ZNF541: variants seen among roughly 807,000 people sequenced by gnomAD.
ZNF541 encodes the protein zinc finger protein 541.
In ZNF541, 23 loss-of-function variants were observed where a neutral mutation model predicts 123.5. The ratio of observed to expected loss-of-function variants is 0.19; its 90% confidence interval spans 0.13 to 0.26. The LOEUF is 0.26. ZNF541 is among the 10% of genes least tolerant of loss of function. The pLI is 1.00. For synonymous variants in ZNF541, 751 were observed against 754.5 expected, an observed-to-expected ratio of 1.00 and a Z score of 0.08; for missense variants, 1,612 against 1,789.9, an observed-to-expected ratio of 0.90 and a Z score of 1.79.
intron 2 of ZNF541, among the ~76,000 whole-genome samples, chr19:47,558,802 T>G (rs915880013): frequency 2.0e-5 from 3 of 151,068 alleles, no homozygotes; most frequent in Admixed American, 2.0e-4. Context: ...TAGAGTGCAG[T>G]GGCGCCATCT....
intron 1 of ZNF541, among the ~76,000 whole-genome samples, 128 bp downstream of exon 1, chr19:47,572,955 C>A (rs1234339805): frequency 1.3e-5 from 2 of 150,764 alleles, no homozygotes; most frequent in Non-Finnish European, 3.0e-5. Flanking sequence ...AGATGGGGCC[C>A]CCTAAAAAAA....
chr19:47,541,711 C>T (rs575834492), intron 5 of ZNF541, among the ~76,000 whole-genome samples: 1 of 152,330 alleles, frequency 6.6e-6, no homozygotes, highest in Admixed American at 6.5e-5. Context: ...TGAGATACTG[C>T]TTCACACCCG....
At chr19:47,529,678 CCCAGGA>C in intron 12 of ZNF541, 26 bp from the exon 13 acceptor site, 1 of 1,549,444 alleles carries the variant, frequency 6.5e-7, no homozygotes, top group East Asian at 2.4e-5. Flanking sequence ...CGACAGGCTG[CCCAGGA>C]CCAGGTGGGG....
chr19:47,556,544 A>G (rs1353548537), intron 2 of ZNF541, among the ~76,000 whole-genome samples: 3 of 151,958 alleles, frequency 2.0e-5, no homozygotes, highest in Non-Finnish European at 4.4e-5. Flanking sequence ...TCCTGGGCTC[A>G]AGCGATCCTC....
intron 3 of ZNF541, 65 bp downstream of exon 3, chr19:47,555,485 C>T: frequency 6.9e-7 from 1 of 1,452,100 alleles, no homozygotes; most frequent in Non-Finnish European, 9.1e-7. Context: ...CAGAATCAGT[C>T]CCTAGCTGGC....
intron 12 of ZNF541, among the ~76,000 whole-genome samples, chr19:47,529,874 T>TC (rs1969483480): frequency 6.6e-6 from 1 of 152,210 alleles, no homozygotes; most frequent in African/African-American, 2.4e-5. Flanking sequence ...AGTTATTTTT[T>TC]CACAGCAAGC....
intron 5 of ZNF541, among the ~76,000 whole-genome samples, chr19:47,542,868 C>G (rs920626606): frequency 1.3e-5 from 2 of 152,060 alleles, no homozygotes; most frequent in African/African-American, 4.8e-5. Flanking sequence ...TGCTTGAACC[C>G]AGGAGGCGGA....
In ZNF541 at chr19:47,538,351, C is replaced by T; in HGVS notation, c.2885G>A (p.Gly962Glu). 1 of 1,543,426 alleles carries T rather than the reference C, an allele frequency of 6.5e-7. No individual in the cohort carries two copies. Residue 962 changes from glycine to glutamate, a missense_variant, in exon 9 of 17, where the codon GGG (glycine) becomes GAG (glutamate). Gly to Glu is a moderately conservative substitution (Grantham distance 98). Coordinates refer to ENST00000391901, the MANE Select transcript of ZNF541 (RefSeq NM_001277075.3). ...RKKRPPPSTA[G>E]EPGPAGCHQS... ...GTGGCATCCTGCAGGGCCAGGCTCCCCAGCCGTGGAGGGTGGGGGCCGCTT... is the reference window on the plus strand; with the variant it reads ...GTGGCATCCTGCAGGGCCAGGCTCCTCAGCCGTGGAGGGTGGGGGCCGCTT...
At chr19:47,532,049 C>A in intron 11 of ZNF541, 79 bp downstream of exon 11, 1 of 1,522,000 alleles carries the variant, frequency 6.6e-7, no homozygotes, top group Admixed American at 2.0e-5. Context: ...TCAGGAGTTC[C>A]AGACCTAGGA....
chr19:47,562,370 G>A (rs909011820), intron 2 of ZNF541, among the ~76,000 whole-genome samples: 4 of 151,638 alleles, frequency 2.6e-5, no homozygotes, highest in Non-Finnish European at 4.4e-5. Flanking sequence ...ATGGTGAAAC[G>A]CCATCTCTAC....
At position 47,538,258 on chromosome 19, in the gene ZNF541, G is replaced by C. The variant is rs570301192; in HGVS notation, c.2978C>G (p.Pro993Arg). The C allele has an allele frequency of 3.2e-4, 490 of 1,551,536 alleles. 2 individuals carry two copies. The South Asian group carries it at 5.4e-3, about 17-fold the overall frequency. ...CLLKGLFQCS[P>R]YTPPPMLSPI... The stretch of plus-strand genomic sequence containing the variant: ...GCTGAGCATTGGGGGTGGTGTGTAG[G>C]GGGAGCACTGGAATAAGCCCTTCAG... The change falls in exon 9 of 17, where the codon CCC (proline) becomes CGC (arginine). Residue 993 changes from proline to arginine, a missense_variant. Physicochemically the swap from Pro to Arg is moderately radical, Grantham distance 103. Around this residue, in one of 5 missense-constraint regions of ZNF541, gnomAD observed 285 missense variants for 407.3 expected, o/e 0.70. Transcript: ENST00000391901.
At chr19:47,530,643 CTTTTCT>C in intron 12 of ZNF541, among the ~76,000 whole-genome samples, 1 of 151,978 alleles carries the variant, frequency 6.6e-6, no homozygotes, top group East Asian at 1.9e-4. Flanking sequence ...TTAAGAATTT[CTTTTCT>C]TTTTTTTTCT....
chr19:47,528,755 G>A (rs1444325522), intron 14 of ZNF541, among the ~76,000 whole-genome samples, 195 bp downstream of exon 14: 1 of 152,170 alleles, frequency 6.6e-6, no homozygotes, highest in African/African-American at 2.4e-5. Flanking sequence ...AGACTGTTCT[G>A]TGCAGGTGAT....
intron 2 of ZNF541, among the ~76,000 whole-genome samples, chr19:47,566,149 C>T (rs1352168236): frequency 6.6e-6 from 1 of 151,850 alleles, no homozygotes; most frequent in Non-Finnish European, 1.5e-5. Context: ...TGCACTCCAG[C>T]CTGGGTGACA....
At position 47,540,924 on chromosome 19, in the gene ZNF541, G is replaced by C. The variant is rs1970054803; in HGVS notation, c.2431C>G (p.Pro811Ala). ...QGGNIYRLPHPVKEENVAGRG... is the reference protein window; with the variant it reads ...QGGNIYRLPHAVKEENVAGRG... Reference sequence around the variant, plus strand: ...CCTGCCACATTCTCTTCCTTCACCGGATGGGGGAGCCTGTAGATGTTTCCA... The same window carrying C: ...CCTGCCACATTCTCTTCCTTCACCGCATGGGGGAGCCTGTAGATGTTTCCA... Residue 811 changes from proline (P) to alanine (A), a missense_variant, in exon 6 of 17, where the codon CCG becomes GCG. Pro to Ala is a conservative substitution (Grantham distance 27). Around this residue, in one of 5 missense-constraint regions of ZNF541, gnomAD observed 1,080 missense variants for 1,013.8 expected, o/e 1.07. Transcript: ENST00000391901. 1.9e-6 allele frequency: 3 copies of C among 1,551,050 alleles called. No homozygotes were observed. The highest frequency in any genetic ancestry group is 2.6e-6 in the Non-Finnish European group (3 of 1,146,828).
In ZNF541 at chr19:47,544,483, G is replaced by A. The variant is rs1297203273; in HGVS notation, c.2046C>T (p.Ser682=). The A allele has an allele frequency of 1.6e-5, 25 of 1,551,600 alleles. No individual in the cohort carries two copies. The highest frequency in any genetic ancestry group is 2.7e-5 in the African/African-American group (2 of 73,064). Residue 682 remains serine, a synonymous_variant, in exon 5 of 17, where the codon TCC becomes TCT. Transcript: ENST00000391901. ...CCTCCAGGTCCAAGGTCCCTTTAGA[G>A]GATCGCAGCTGCTTGGCCAGAGAAG... is the stretch of plus-strand genomic sequence containing the variant. ...DISSLAKQLR[S]SKGTLDLEDI...
At chr19:47,528,315 CA>C (rs1241374840) in intron 14 of ZNF541, among the ~76,000 whole-genome samples, 1,794 of 43,426 alleles carry the variant, frequency 0.041, 35 homozygotes, top group African/African-American at 0.13. Context: ...AACTCCGTCT[CA>C]AAAAAAAAAA....
intron 1 of ZNF541, among the ~76,000 whole-genome samples, chr19:47,572,809 G>C (rs1204220996): frequency 6.6e-6 from 1 of 151,876 alleles, no homozygotes; most frequent in African/African-American, 2.4e-5. Flanking sequence ...CGGGCCAGGG[G>C]ATCCTGAGGA....
Position 47,521,036 on chromosome 19 carries a change from C to A in ZNF541, c.*188G>T. On this transcript the variant is annotated 3_prime_UTR_variant, in exon 17 of 17. Coordinates refer to ENST00000391901, the MANE Select transcript of ZNF541 (RefSeq NM_001277075.3). The surrounding 1 kb of genome is among the most constrained non-coding windows in gnomAD (Gnocchi z 4.2). ...CTCCAGCACCACCGGACAGGGACTG[C>A]ATAGCTGTCCGACAACTGAGCTCCT... is the stretch of plus-strand genomic sequence containing the variant. The A allele has an allele frequency of 1.5e-6, 1 of 653,874 alleles. No homozygotes were observed. Among genetic ancestry groups the A allele is most frequent in the Non-Finnish European group, 2.6e-6 (1 of 387,550 alleles). The allele number at this position is 653,874 out of a possible 1,614,324, so 40.5% of individuals were successfully genotyped here.
Sources: allele counts gnomAD v4.1 joint callset (sites outside exome capture counted in the v4.1 genomes callset), GRCh38; gene constraint gnomAD v4.1.1; regional missense constraint gnomAD v4.1.1; non-coding constraint Gnocchi (gnomAD v3.1); transcripts MANE v1.5; gene names NCBI Gene and HGNC (gene_info 2026-07-23, HGNC 2026-07-21).